The following SCRN1 variants were observed in gnomAD, a reference collection of about 807,000 sequenced individuals.
The protein encoded by SCRN1 is secernin 1.
In SCRN1, 19 loss-of-function variants were observed where a neutral mutation model predicts 43.3. The observed-to-expected ratio is 0.44, with a 90% CI of 0.31 to 0.64. The LOEUF is 0.64. Among genes scored for constraint, SCRN1 ranks in the 30% least tolerant of loss-of-function variants. The probability of loss-of-function intolerance (pLI) is 0.09; values close to 1 mark genes in which losing one functional copy is unlikely to be tolerated. For missense variants in SCRN1, 447 were observed against 524.1 expected (o/e 0.85, Z 1.44); for synonymous variants, 183 against 188.9 (o/e 0.97, Z 0.26).
Position 29,940,722 on chromosome 7 carries a change from T to C in SCRN1, c.699A>G (p.Leu233=). 1 of 1,606,092 alleles carries C rather than the reference T, an allele frequency of 6.2e-7. No homozygotes were observed. The highest frequency in any genetic ancestry group is 8.5e-7 in the Non-Finnish European group (1 of 1,177,814). Residue 233 remains leucine (L), a synonymous_variant, in exon 5 of 8, where the codon CTA becomes CTG. Transcript: ENST00000242059. ...AGCTGTCTTTGCCAGCACCGCAGTC[T>C]AGATGATCCTCAACTGGAGAAAAGA... is the stretch of plus-strand genomic sequence containing the variant. ...SEVFSPVEDH[L]DCGAGKDSLE...
chr7:29,973,034 T>C (rs768149931), intron 1 of SCRN1, among the ~76,000 whole-genome samples: 1 of 152,158 alleles, frequency 6.6e-6, no homozygotes, highest in East Asian at 1.9e-4. Flanking sequence ...ATCTCAGAAG[T>C]TCTTGTTTGT....
At chr7:29,947,490 TG>T (rs1363384134) in intron 3 of SCRN1, among the ~76,000 whole-genome samples, 1 of 152,188 alleles carries the variant, frequency 6.6e-6, no homozygotes, top group Non-Finnish European at 1.5e-5. Flanking sequence ...ATCACTGACT[TG>T]GGAAAAGTAA....
intron 3 of SCRN1, among the ~76,000 whole-genome samples, chr7:29,946,099 T>C (rs560162530): frequency 1.9e-4 from 29 of 152,342 alleles, no homozygotes; most frequent in East Asian, 1.7e-3. Context: ...GACAATTCAT[T>C]TGACATTTCT....
At chr7:29,961,507 C>T (rs1335505118) in intron 2 of SCRN1, among the ~76,000 whole-genome samples, 1 of 148,888 alleles carries the variant, frequency 6.7e-6, no homozygotes, top group Non-Finnish European at 1.5e-5. Context: ...ATTTCTCAAT[C>T]TTTTCCCCAC....
intron 6 of SCRN1, among the ~76,000 whole-genome samples, chr7:29,934,778 G>GTGCT (rs1787268702): frequency 6.6e-6 from 1 of 152,242 alleles, no homozygotes; most frequent in Admixed American, 6.5e-5. Flanking sequence ...GAGCGGCGTA[G>GTGCT]AGCAGTTGAG....
At chr7:29,925,640 CTT>C (rs1394764916) in intron 7 of SCRN1, among the ~76,000 whole-genome samples, 3 of 152,116 alleles carry the variant, frequency 2.0e-5, no homozygotes, top group African/African-American at 4.8e-5. Context: ...GAATTGATGA[CTT>C]ATCACTTTAT....
At chr7:29,971,661 G>A (rs1788669868) in intron 1 of SCRN1, among the ~76,000 whole-genome samples, 1 of 151,806 alleles carries the variant, frequency 6.6e-6, no homozygotes, top group Admixed American at 6.6e-5. Flanking sequence ...ACTTTATTTG[G>A]GTTTTGACTG....
intron 1 of SCRN1, chr7:29,969,734 C>T (rs1349961957): frequency 2.3e-6 from 1 of 440,970 alleles, no homozygotes; most frequent in Non-Finnish European, 4.6e-6. Context: ...GAAAATGCAT[C>T]CATGCTCAGA....
At position 29,921,019 on chromosome 7, in the gene SCRN1, C is replaced by G. The variant is rs1786737343; in HGVS notation, c.*2938G>C. 6.6e-6 allele frequency: 1 copy of G among 152,636 alleles called. No individual in the cohort carries two copies. Among genetic ancestry groups the G allele is most frequent in the Non-Finnish European group, 1.5e-5 (1 of 68,044 alleles). The allele number at this position is 152,636 out of a possible 1,614,324, so 9.5% of individuals were successfully genotyped here. ...ACTATTTCTGCTTTGCTAATTTACT[C>G]CTGCCAGAGCTTCTGTCCTTGAATA... On this transcript the variant is annotated 3_prime_UTR_variant, in exon 8 of 8. Coordinates refer to ENST00000242059, the MANE Select transcript of SCRN1 (RefSeq NM_014766.5).
At position 29,989,801 on chromosome 7, in the gene SCRN1, C is replaced by G; in HGVS notation, c.-161G>C. The G allele has an allele frequency of 2.9e-5, 29 of 989,342 alleles. No individual in the cohort carries two copies. The highest frequency in any genetic ancestry group is 3.5e-5 in the Non-Finnish European group (29 of 833,008). The allele number at this position is 989,342 out of a possible 1,614,324, so 61.3% of individuals were successfully genotyped here. A position where few individuals can be genotyped will look rare whatever the true frequency, so the allele number is the denominator to read the frequency against. ...CCGGGCGCTTCCCCCTACCCAGACT[C>G]CCGGCGCTGGGGCCCGCCGCCCCCC... On this transcript the variant is annotated 5_prime_UTR_variant, in exon 1 of 8. Transcript: ENST00000242059.
intron 1 of SCRN1, chr7:29,988,675 C>G (rs1342058368): frequency 6.6e-6 from 1 of 152,586 alleles, no homozygotes; most frequent in African/African-American, 2.4e-5. Context: ...CGCACCCACC[C>G]CACCCGGCTG....
rs1219660127 is a variant in SCRN1, at chr7:29,965,028, A to C, written c.159+3881T>G. ...ATGTACCACATTGATGCCAGACGTT[A>C]CTAGCAGGGTAAACTAGAGGGCAGG... On this transcript the variant is annotated intron_variant, in intron 2 of 7. Coordinates refer to ENST00000242059, the MANE Select transcript of SCRN1 (RefSeq NM_014766.5). The surrounding 1 kb of genome is among the most constrained non-coding windows in gnomAD (Gnocchi z 4.2). 1.3e-5 allele frequency among the ~76,000 whole-genome samples: 2 copies of C among 152,150 alleles called. No individual in the cohort carries two copies. Among genetic ancestry groups the C allele is most frequent in the African/African-American group, 2.4e-5 (1 of 41,434 alleles).
chr7:29,983,455 A>T (rs955911959), intron 1 of SCRN1, among the ~76,000 whole-genome samples: 2 of 141,544 alleles, frequency 1.4e-5, no homozygotes, highest in Non-Finnish European at 3.1e-5. Flanking sequence ...AGTATAATTA[A>T]AAAAAAAAAA....
At chr7:29,943,083 C>T (rs2128090517) in intron 4 of SCRN1, among the ~76,000 whole-genome samples, 1 of 152,270 alleles carries the variant, frequency 6.6e-6, no homozygotes, top group South Asian at 2.1e-4. Context: ...GAAGAGACTT[C>T]CTGGTAAATT....
At chr7:29,926,409 G>A (rs201684263) in intron 7 of SCRN1, 43 bp downstream of exon 7, 52 of 1,593,734 alleles carry the variant, frequency 3.3e-5, no homozygotes, top group Middle Eastern at 2.2e-4. Context: ...GACCTCGCCC[G>A]CCCGCCTCCG....
chr7:29,924,093 C>G lies in SCRN1; in HGVS notation c.1109G>C (p.Ser370Thr). Residue 370 changes from serine to threonine, a missense_variant, in exon 8 of 8, where the codon AGC becomes ACC. Coordinates refer to ENST00000242059, the MANE Select transcript of SCRN1 (RefSeq NM_014766.5). ...SDQEQGRKLR[S>T]TMLELEKQGL... ...TTGCTTCTCCAGCTCCAGCATGGTG[C>G]TCCTCAGCTTGCGACCTTGCTCCTG... 6.2e-7 allele frequency: 1 copy of G among 1,613,194 alleles called. No individual in the cohort carries two copies. Among genetic ancestry groups the G allele is most frequent in the East Asian group, 2.2e-5 (1 of 44,878 alleles).
In SCRN1 at chr7:29,926,588, A is replaced by G. The variant is rs2128085834; in HGVS notation, c.950T>C (p.Val317Ala). ...AAAACAGGGAGACTGTGTTTTGGGGACAAGTTTTACGTCATCAACAAAGAT... is the reference window on the plus strand; with the variant it reads ...AAAACAGGGAGACTGTGTTTTGGGGGCAAGTTTTACGTCATCAACAAAGAT... ...PFIFVDDVKL[V>A]PKTQSPCFGD... Residue 317 changes from valine to alanine, a missense_variant, in exon 7 of 8, where the codon GTC becomes GCC. Val to Ala is a moderately conservative substitution (Grantham distance 64, BLOSUM62 0). Coordinates refer to ENST00000242059, the MANE Select transcript of SCRN1 (RefSeq NM_014766.5). 1 of 1,613,982 alleles carries G rather than the reference A, an allele frequency of 6.2e-7. No homozygotes were observed.
intron 1 of SCRN1, among the ~76,000 whole-genome samples, chr7:29,980,808 C>T (rs2127931311): frequency 6.6e-6 from 1 of 152,174 alleles, no homozygotes; most frequent in Admixed American, 6.5e-5. Flanking sequence ...GGAATATATA[C>T]ACATATATGA....
chr7:29,966,306 G>C (rs980723718), intron 2 of SCRN1, among the ~76,000 whole-genome samples: 2 of 152,196 alleles, frequency 1.3e-5, no homozygotes, highest in Non-Finnish European at 2.9e-5. Context: ...TTCACAGTGA[G>C]AGTGAAGGGC....
Sources: gnomAD v4.1 joint callset for allele counts (sites outside exome capture counted in the v4.1 genomes callset) on GRCh38, gnomAD v4.1.1 for gene constraint, Gnocchi (gnomAD v3.1) non-coding constraint, MANE v1.5 for transcripts, NCBI Gene and HGNC (gene_info 2026-07-23, HGNC 2026-07-21) for gene names.